PTPRD: variants seen among roughly 807,000 people sequenced by gnomAD.
PTPRD encodes receptor-type tyrosine-protein phosphatase delta.
In PTPRD, 34 loss-of-function variants were observed where a neutral mutation model predicts 214.5. The observed-to-expected ratio is 0.16, with a 90% confidence interval of 0.12 to 0.21. The LOEUF (loss-of-function observed/expected upper bound fraction) is 0.21, where lower values mean the gene tolerates loss of function less well. PTPRD is among the 10% of genes least tolerant of loss of function. The pLI, the probability that PTPRD is intolerant of heterozygous loss-of-function variation, is 1.00. For missense variants in PTPRD, 2,545 were observed against 2,398.7 expected, an observed-to-expected ratio of 1.06 and a Z score of -1.27; for synonymous variants, 1,128 against 845.7, an observed-to-expected ratio of 1.33 and a Z score of -5.79.
At chr9:8,999,540 T>C (rs1183129256) in intron 11 of PTPRD, among the ~76,000 whole-genome samples, 1 of 152,088 alleles carries the variant, frequency 6.6e-6, no homozygotes, top group Admixed American at 6.6e-5. Context: ...TTTTATATGC[T>C]CTAGGAACCA....
intron 2 of PTPRD, among the ~76,000 whole-genome samples, chr9:10,604,417 G>A (rs1591831393): frequency 6.6e-6 from 1 of 151,710 alleles, no homozygotes; most frequent in Non-Finnish European, 1.5e-5. Flanking sequence ...TGTTTTCCAA[G>A]TGGGAGAGGT....
intron 10 of PTPRD, among the ~76,000 whole-genome samples, chr9:9,176,283 G>T (rs556241222): frequency 6.6e-6 from 1 of 152,080 alleles, no homozygotes; most frequent in Non-Finnish European, 1.5e-5. Context: ...CTAGAAAGAG[G>T]TATCTAACTT....
intron 11 of PTPRD, among the ~76,000 whole-genome samples, chr9:8,864,855 C>T (rs962046163): frequency 6.6e-5 from 10 of 152,204 alleles, no homozygotes; most frequent in African/African-American, 2.4e-4. Context: ...ATCAAGACTA[C>T]TATATTTCTG....
intron 3 of PTPRD, among the ~76,000 whole-genome samples, chr9:10,073,793 T>A (rs1299112486): frequency 1.3e-5 from 2 of 152,128 alleles, no homozygotes; most frequent in Non-Finnish European, 2.9e-5. Context: ...CTAGATTATG[T>A]CACATTTATC....
intron 9 of PTPRD, among the ~76,000 whole-genome samples, chr9:9,331,169 C>T (rs1480235591): frequency 2.0e-5 from 3 of 152,030 alleles, no homozygotes; most frequent in Non-Finnish European, 4.4e-5. Flanking sequence ...GCTTAACATG[C>T]GTTCTGTTCT....
chr9:8,398,761 A>C (rs1431174551), intron 36 of PTPRD, among the ~76,000 whole-genome samples: 4 of 152,134 alleles, frequency 2.6e-5, no homozygotes, highest in Non-Finnish European at 2.9e-5. Context: ...TTGGAAGTGG[A>C]CAGACTGGGC....
At chr9:9,611,663 A>G (rs1236137006) in intron 7 of PTPRD, among the ~76,000 whole-genome samples, 3 of 152,108 alleles carry the variant, frequency 2.0e-5, no homozygotes, top group African/African-American at 7.2e-5. Flanking sequence ...CCACGTGTGT[A>G]TCCATTGTAC....
chr9:9,551,493 T>C (rs1255342329), intron 8 of PTPRD, among the ~76,000 whole-genome samples: 3 of 151,876 alleles, frequency 2.0e-5, no homozygotes, highest in Non-Finnish European at 4.4e-5. Context: ...TAATAGAATA[T>C]ATATATATGA....
chr9:9,103,616 A>C (rs959104720), intron 10 of PTPRD, among the ~76,000 whole-genome samples: 3 of 147,492 alleles, frequency 2.0e-5, no homozygotes, highest in African/African-American at 7.6e-5. Context: ...CTTCCATAAG[A>C]AAAAAAAAAA....
rs1457528048 is a variant in PTPRD, at chr9:8,485,329, T to G, written c.3056-5A>C. 3.1e-6 allele frequency: 5 copies of G among 1,609,186 alleles called. No homozygotes were observed. The highest frequency in any genetic ancestry group is 3.4e-6 in the Non-Finnish European group (4 of 1,175,642). On this transcript the variant is annotated splice_polypyrimidine_tract_variant and splice_region_variant and intron_variant, in intron 28 of 45. Transcript: ENST00000381196. Reference sequence around the variant, plus strand: ...CATGAAAATTTTTTGCAAACACTGCTGGAAAAGGAAAAACAGTGTATTTAA... The same window carrying G: ...CATGAAAATTTTTTGCAAACACTGCGGGAAAAGGAAAAACAGTGTATTTAA...
intron 5 of PTPRD, among the ~76,000 whole-genome samples, chr9:9,925,880 G>A (rs952167473): frequency 1.3e-5 from 2 of 152,114 alleles, no homozygotes; most frequent in African/African-American, 4.8e-5. Flanking sequence ...CCAGGCTAGA[G>A]TACAGTGTCA....
At position 10,287,556 on chromosome 9, in the gene PTPRD, C is replaced by G. The variant is rs79122185; in HGVS notation, c.-545+53407G>C. On this transcript the variant is annotated intron_variant, in intron 3 of 45. Transcript: ENST00000381196. ...GCATGTATCCTAAAACCAGGCCTCT[C>G]CCCTGGGAGAGTAGCAAGGTGTCAG... is the stretch of plus-strand genomic sequence containing the variant. 2.3e-3 allele frequency among the ~76,000 whole-genome samples: 345 copies of G among 152,138 alleles called. 2 individuals are homozygous for G. Among genetic ancestry groups the G allele is most frequent in the Non-Finnish European group, 4.0e-3 (271 of 67,992 alleles).
intron 8 of PTPRD, among the ~76,000 whole-genome samples, chr9:9,407,620 C>G (rs1450613176): frequency 6.6e-6 from 1 of 151,642 alleles, no homozygotes; most frequent in Non-Finnish European, 1.5e-5. Flanking sequence ...AGTCAAAAAG[C>G]CAAATTTCAC....
chr9:8,590,983 T>A (rs2094055646), intron 14 of PTPRD, among the ~76,000 whole-genome samples: 1 of 152,156 alleles, frequency 6.6e-6, no homozygotes, highest in South Asian at 2.1e-4. Context: ...AGAATCTTCC[T>A]TCTTGCATTT....
chr9:9,520,442 C>A (rs776691130), intron 8 of PTPRD, among the ~76,000 whole-genome samples: 2 of 151,898 alleles, frequency 1.3e-5, no homozygotes, highest in African/African-American at 2.4e-5. Flanking sequence ...GAAAATACAT[C>A]TCCATTAAAC....
intron 8 of PTPRD, among the ~76,000 whole-genome samples, chr9:9,403,274 G>A (rs1182574962): frequency 2.1e-5 from 2 of 93,342 alleles, no homozygotes; most frequent in East Asian, 3.3e-4. Flanking sequence ...CTAGGCGACA[G>A]AGGAATACTC....
intron 8 of PTPRD, among the ~76,000 whole-genome samples, chr9:9,465,851 T>TCAC (rs2094109454): frequency 6.6e-6 from 1 of 152,098 alleles, no homozygotes; most frequent in Non-Finnish European, 1.5e-5. Context: ...AGGAGGTGGG[T>TCAC]ATTAGCCATG....
chr9:9,498,729 T>C (rs1057438832), intron 8 of PTPRD, among the ~76,000 whole-genome samples: 26 of 152,038 alleles, frequency 1.7e-4, no homozygotes, highest in South Asian at 2.1e-4. Context: ...AGAAATAAAA[T>C]GCTGTACAAA....
At chr9:9,638,427 C>A (rs895743520) in intron 7 of PTPRD, among the ~76,000 whole-genome samples, 1 of 152,164 alleles carries the variant, frequency 6.6e-6, no homozygotes, top group African/African-American at 2.4e-5. Context: ...CTAGAATGAC[C>A]ATTTATCCAG....
Sources: gnomAD v4.1 joint callset for allele counts (sites outside exome capture counted in the v4.1 genomes callset) on GRCh38, gnomAD v4.1.1 for gene constraint, MANE v1.5 for transcripts, NCBI Gene and HGNC (gene_info 2026-07-23, HGNC 2026-07-21) for gene names.